Variants in USO1 observed in about 807,000 individuals in gnomAD.
USO1 encodes USO1 vesicle transport factor, also known as general vesicular transport factor p115.
USO1 carries 57 observed loss-of-function variants against 124.5 expected under a neutral mutation model. The ratio of observed to expected loss-of-function variants is 0.46; its 90% CI spans 0.37 to 0.57. USO1 has a LOEUF of 0.57. Ranked by LOEUF, USO1 falls within the 20% of genes least tolerant of loss-of-function variation. The probability of loss-of-function intolerance (pLI) is 0.00; values close to 1 mark genes in which losing one functional copy is unlikely to be tolerated. For missense variants in USO1, 900 were observed against 1,040.6 expected, an observed-to-expected ratio of 0.86 and a Z score of 1.86; for synonymous variants, 369 against 362.8, an observed-to-expected ratio of 1.02 and a Z score of -0.19.
At chr4:75,756,054 C>T (rs1721432036) in intron 3 of USO1, among the ~76,000 whole-genome samples, 1 of 151,622 alleles carries the variant, frequency 6.6e-6, no homozygotes, top group South Asian at 2.1e-4. Flanking sequence ...CCTGTAGTCC[C>T]AGCTACTCAG....
intron 1 of USO1, among the ~76,000 whole-genome samples, chr4:75,736,682 AG>A (rs1442684070): frequency 2.6e-5 from 4 of 152,170 alleles, no homozygotes; most frequent in Non-Finnish European, 4.4e-5. Flanking sequence ...CCAGATTTTC[AG>A]TTACTTTTGT....
intron 19 of USO1, among the ~76,000 whole-genome samples, chr4:75,805,704 C>T (rs1182192868): frequency 1.3e-5 from 2 of 148,322 alleles, no homozygotes; most frequent in Admixed American, 6.7e-5. Context: ...GGGAGACTTT[C>T]CATCTAAAAA....
At chr4:75,740,145 G>A (rs1230519324) in intron 1 of USO1, among the ~76,000 whole-genome samples, 1 of 152,114 alleles carries the variant, frequency 6.6e-6, no homozygotes, top group African/African-American at 2.4e-5. Context: ...ATCAGCCTGG[G>A]CAACATAGTG....
chr4:75,776,069 C>T (rs891057133), intron 8 of USO1, among the ~76,000 whole-genome samples: 18 of 152,040 alleles, frequency 1.2e-4, no homozygotes, highest in African/African-American at 4.1e-4. Context: ...TGATGTTTTC[C>T]GTGGACAAAG....
rs150065546 is a variant in USO1, at chr4:75,775,247, T to TA, written c.676+452dup. ...GTAATTAGGAAGATTTTCAAAGTGA[T>TA]ACGAACCCCAGCTGGGCTTGATGGC... is the stretch of plus-strand genomic sequence containing the variant. On this transcript the variant is annotated intron_variant, in intron 8 of 23. Coordinates refer to ENST00000514213, the MANE Select transcript of USO1 (RefSeq NM_003715.4). 7.0e-3 allele frequency among the ~76,000 whole-genome samples: 1,070 copies of TA among 152,220 alleles called. 10 individuals are homozygous for TA. Among genetic ancestry groups the TA allele is most frequent in the African/African-American group, 0.024 (1,003 of 41,556 alleles).
At chr4:75,803,018 C>T (rs1360709974) in intron 17 of USO1, among the ~76,000 whole-genome samples, 8 of 140,132 alleles carry the variant, frequency 5.7e-5, no homozygotes, top group South Asian at 4.5e-4. Context: ...ACCTGGGAGG[C>T]GGAGGTTACA....
At position 75,754,915 on chromosome 4, in the gene USO1, G is replaced by C. The variant is rs114106856; in HGVS notation, c.218+2311G>C. Among the ~76,000 whole-genome samples, 1,105 of 152,264 alleles carry C rather than the reference G, an allele frequency of 7.3e-3. 13 individuals carry two copies. Among genetic ancestry groups the C allele is most frequent in the African/African-American group, 0.026 (1,064 of 41,550 alleles). The stretch of plus-strand genomic sequence containing the variant: ...TAGTTTCTGTGGATCAGGAATTGAG[G>C]ATCAACTTAGCTAAGTGGGCTCAGG... On this transcript the variant is annotated intron_variant, in intron 3 of 23. Transcript: ENST00000514213.
chr4:75,758,327 C>T (rs1721501442), intron 4 of USO1, among the ~76,000 whole-genome samples: 1 of 152,086 alleles, frequency 6.6e-6, no homozygotes, highest in South Asian at 2.1e-4. Context: ...TTTCATTATT[C>T]TGTAAAGTCA....
chr4:75,767,413 A>G, intron 4 of USO1: 1 of 429,274 alleles, frequency 2.3e-6, no homozygotes, highest in Non-Finnish European at 4.6e-6. Flanking sequence ...ATGACTTTTG[A>G]TACATGTATA....
intron 1 of USO1, 124 bp downstream of exon 1, chr4:75,725,009 C>T (rs754547075): frequency 3.1e-6 from 3 of 975,886 alleles, no homozygotes; most frequent in Non-Finnish European, 4.6e-6. Context: ...ATGCCGCCTC[C>T]CCCTTTGCCC....
intron 19 of USO1, among the ~76,000 whole-genome samples, chr4:75,805,589 C>G (rs1345076963): frequency 6.6e-6 from 1 of 152,076 alleles, no homozygotes; most frequent in Non-Finnish European, 1.5e-5. Context: ...CACCTGTAGT[C>G]CCAGCTACGC....
Position 75,774,611 on chromosome 4 carries a change from T to G in USO1, c.556-65T>G. ...GCCAGTTCTAAAATTCTGTGATTTT[T>G]GAAGTAATTTAAAAATGTCTCATAA... On this transcript the variant is annotated intron_variant, in intron 7 of 23. Transcript: ENST00000514213. 4.6e-6 allele frequency: 7 copies of G among 1,526,818 alleles called. No individual in the cohort carries two copies. The Admixed American group carries it at 1.5e-4, about 33-fold the overall frequency. 94.6% of individuals were successfully genotyped at this position (1,526,818 alleles called of 1,614,324 possible).
chr4:75,802,945 A>C (rs1722893386), intron 17 of USO1, among the ~76,000 whole-genome samples: 1 of 149,988 alleles, frequency 6.7e-6, no homozygotes, highest in East Asian at 2.0e-4. Context: ...TTAGCTGGGG[A>C]TGGTGGCACA....
chr4:75,800,110 G>A (rs1216352730), intron 14 of USO1, among the ~76,000 whole-genome samples: 9 of 151,944 alleles, frequency 5.9e-5, no homozygotes, highest in Middle Eastern at 3.4e-3. Context: ...ACCACAACCC[G>A]GCTAATTTTG....
At chr4:75,808,112 A>T (rs1418439266) in intron 20 of USO1, among the ~76,000 whole-genome samples, 1 of 152,078 alleles carries the variant, frequency 6.6e-6, no homozygotes, top group Non-Finnish European at 1.5e-5. Flanking sequence ...GTCCTCGGGG[A>T]TGGGGGGATA....
Position 75,810,528 on chromosome 4 carries a change from A to G in USO1, c.2572A>G (p.Lys858Glu), listed in dbSNP as rs1394387697. 8 of 1,610,738 alleles carry G rather than the reference A, an allele frequency of 5.0e-6. No homozygotes were observed. Among genetic ancestry groups the G allele is most frequent in the Non-Finnish European group, 6.8e-6 (8 of 1,178,760 alleles). The change falls in exon 22 of 24, where the codon AAA (lysine) becomes GAA (glutamate). Residue 858 changes from lysine (K) to glutamate (E), a missense_variant. Coordinates refer to ENST00000514213, the MANE Select transcript of USO1 (RefSeq NM_003715.4). ...ACTGTCAGCATTATTACAAGAGACC[A>G]AAGAGTTAAAGGTTTGTTTTTGGTG... ...GRLSALLQET[K>E]ELKNEIKALS... is the part of the protein sequence containing the mutation.
At chr4:75,795,415 T>C (rs1722650951) in intron 13 of USO1, 18 of 691,964 alleles carry the variant, frequency 2.6e-5, no homozygotes, top group South Asian at 2.2e-4. Context: ...TTTTTCTCTG[T>C]CTTGGGTTTT....
chr4:75,793,773 G>A lies in USO1; in HGVS notation c.1324G>A (p.Val442Met). 1 of 1,613,918 alleles carries A rather than the reference G, an allele frequency of 6.2e-7. No individual in the cohort carries two copies. The highest frequency in any genetic ancestry group is 8.5e-7 in the Non-Finnish European group (1 of 1,179,860). ...TDSLSNWCAA[V>M]ALAHALQENA... Reference sequence around the variant, plus strand: ...TTCACTTTCAAACTGGTGTGCTGCTGTGGCCCTTGCCCATGCGTTGCAAGA... The same window carrying A: ...TTCACTTTCAAACTGGTGTGCTGCTATGGCCCTTGCCCATGCGTTGCAAGA... Residue 442 changes from valine (V) to methionine (M), a missense_variant, in exon 13 of 24, where the codon GTG (valine) becomes ATG (methionine). Val to Met is a conservative substitution (Grantham distance 21). Transcript: ENST00000514213.
intron 1 of USO1, chr4:75,729,960 C>G (rs1289203739): frequency 5.0e-6 from 2 of 402,722 alleles, no homozygotes; most frequent in African/African-American, 4.2e-5. Context: ...ACATTTTATA[C>G]CATGTTACTA....
Sources: allele counts gnomAD v4.1 joint callset (sites outside exome capture counted in the v4.1 genomes callset), GRCh38; gene constraint gnomAD v4.1.1; transcripts MANE v1.5; gene names NCBI Gene and HGNC (gene_info 2026-07-23, HGNC 2026-07-21).